The following TSPAN5 variants were observed in gnomAD, a reference collection of about 807,000 sequenced individuals.
TSPAN5 encodes the protein tetraspanin-5.
TSPAN5 carries 10 observed loss-of-function variants against 37.1 expected under a neutral mutation model. That is an observed-to-expected ratio of 0.27 (90% CI 0.17 to 0.46). The LOEUF (loss-of-function observed/expected upper bound fraction) is 0.46, where lower values mean the gene tolerates loss of function less well. TSPAN5 is among the 20% of genes least tolerant of loss of function. The probability of loss-of-function intolerance (pLI) is 1.00; values close to 1 mark genes in which losing one functional copy is unlikely to be tolerated. For synonymous variants in TSPAN5, 110 were observed against 118.9 expected (o/e 0.93, Z 0.48); for missense variants, 195 against 326.6 (o/e 0.60, Z 3.11).
chr4:98,633,605 A>G (rs1187058467), intron 1 of TSPAN5, among the ~76,000 whole-genome samples: 1 of 152,126 alleles, frequency 6.6e-6, no homozygotes, highest in Non-Finnish European at 1.5e-5. Context: ...AATGATCAGC[A>G]CTCACCCTTT....
intron 1 of TSPAN5, among the ~76,000 whole-genome samples, chr4:98,650,746 T>G (rs1757169641): frequency 1.3e-5 from 2 of 152,188 alleles, no homozygotes; most frequent in African/African-American, 4.8e-5. Flanking sequence ...CAATAGCTCC[T>G]TGGAGAAATG....
intron 1 of TSPAN5, among the ~76,000 whole-genome samples, chr4:98,523,267 G>A (rs563479675): frequency 1.6e-4 from 24 of 152,198 alleles, no homozygotes; most frequent in Admixed American, 2.0e-4. Flanking sequence ...GTGAATAAGC[G>A]TCCCTTATTT....
At chr4:98,554,194 T>C (rs1453585721) in intron 1 of TSPAN5, among the ~76,000 whole-genome samples, 2 of 152,210 alleles carry the variant, frequency 1.3e-5, no homozygotes, top group Non-Finnish European at 2.9e-5. Context: ...GAACAATAAA[T>C]ATACTTCAAC....
At chr4:98,553,688 A>G (rs1448735263) in intron 1 of TSPAN5, among the ~76,000 whole-genome samples, 1 of 152,168 alleles carries the variant, frequency 6.6e-6, no homozygotes, top group Non-Finnish European at 1.5e-5. Context: ...AGAAGGCCAC[A>G]ATGACCAACC....
intron 1 of TSPAN5, among the ~76,000 whole-genome samples, chr4:98,609,068 A>C (rs1416150900): frequency 1.3e-5 from 2 of 152,220 alleles, no homozygotes; most frequent in Non-Finnish European, 2.9e-5. Context: ...AGTCAGGATT[A>C]GACTAAGAAA....
intron 1 of TSPAN5, among the ~76,000 whole-genome samples, chr4:98,587,549 G>A (rs1386157990): frequency 7.2e-5 from 11 of 152,064 alleles, no homozygotes; most frequent in African/African-American, 1.2e-4. Flanking sequence ...CAGAAACTCC[G>A]CCCATCCATA....
intron 1 of TSPAN5, among the ~76,000 whole-genome samples, chr4:98,637,017 CT>C (rs1756870606): frequency 6.6e-6 from 1 of 152,142 alleles, no homozygotes; most frequent in African/African-American, 2.4e-5. Flanking sequence ...CTTAGGAACC[CT>C]CCCCCTTGGT....
At chr4:98,654,656 C>T (rs568790797) in intron 1 of TSPAN5, among the ~76,000 whole-genome samples, 15 of 152,308 alleles carry the variant, frequency 9.8e-5, no homozygotes, top group African/African-American at 2.6e-4. Flanking sequence ...GACTTTGTTA[C>T]TCAGAATGTC....
intron 1 of TSPAN5, among the ~76,000 whole-genome samples, chr4:98,569,853 C>T (rs887493316): frequency 2.0e-5 from 3 of 152,182 alleles, no homozygotes; most frequent in Non-Finnish European, 4.4e-5. Flanking sequence ...CTTGGTCACT[C>T]TATTCATTTC....
At chr4:98,578,313 A>G (rs189875097) in intron 1 of TSPAN5, among the ~76,000 whole-genome samples, 71 of 152,352 alleles carry the variant, frequency 4.7e-4, no homozygotes, top group Middle Eastern at 3.4e-3. Flanking sequence ...TTAAAGTGAA[A>G]GTAATCGTGG....
chr4:98,486,401 A>G (rs1377540887), intron 3 of TSPAN5: 4 of 207,140 alleles, frequency 1.9e-5, no homozygotes, highest in Admixed American at 1.2e-4. Context: ...TACTATGTGC[A>G]TTAAAACGGT....
intron 4 of TSPAN5, among the ~76,000 whole-genome samples, chr4:98,480,766 AT>A (rs1578934072): frequency 6.6e-6 from 1 of 152,304 alleles, no homozygotes; most frequent in East Asian, 1.9e-4. Context: ...GAAAGGGATT[AT>A]TAGGGAGCCT....
chr4:98,589,250 G>A (rs1755567859), intron 1 of TSPAN5, among the ~76,000 whole-genome samples: 1 of 152,146 alleles, frequency 6.6e-6, no homozygotes, highest in African/African-American at 2.4e-5. Context: ...AGCAAGCACT[G>A]GTCAGCAAAT....
chr4:98,559,746 C>G (rs1388460561), intron 1 of TSPAN5, among the ~76,000 whole-genome samples: 2 of 152,200 alleles, frequency 1.3e-5, no homozygotes, highest in Non-Finnish European at 2.9e-5. Context: ...GACAGAGTCT[C>G]AACATCCAGG....
chr4:98,486,021 C>T (rs945456210), intron 3 of TSPAN5, among the ~76,000 whole-genome samples: 2 of 152,132 alleles, frequency 1.3e-5, no homozygotes, highest in Admixed American at 1.3e-4. Flanking sequence ...CTGACAGGCA[C>T]ATTTGGCTAC....
intron 1 of TSPAN5, among the ~76,000 whole-genome samples, chr4:98,626,096 G>C (rs1756593680): frequency 6.6e-6 from 1 of 152,146 alleles, no homozygotes; most frequent in South Asian, 2.1e-4. Flanking sequence ...ACCTGGGGCT[G>C]GCTGTTGACA....
At chr4:98,614,330 C>T (rs747526318) in intron 1 of TSPAN5, among the ~76,000 whole-genome samples, 4 of 152,222 alleles carry the variant, frequency 2.6e-5, no homozygotes, top group Non-Finnish European at 4.4e-5. Flanking sequence ...ATCAGCCTGT[C>T]ACACCCACTG....
chr4:98,629,147 C>G (rs1756685068), intron 1 of TSPAN5, among the ~76,000 whole-genome samples: 2 of 152,132 alleles, frequency 1.3e-5, no homozygotes, highest in East Asian at 3.8e-4. Context: ...AAACAATAAG[C>G]ATAATTACTC....
intron 1 of TSPAN5, among the ~76,000 whole-genome samples, chr4:98,623,078 T>C (rs1756519062): frequency 1.3e-5 from 2 of 152,202 alleles, no homozygotes; most frequent in Non-Finnish European, 2.9e-5. Context: ...CCTTTCCTTT[T>C]TTAGGGGAGG....
Sources: gnomAD v4.1 joint callset for allele counts (sites outside exome capture counted in the v4.1 genomes callset) on GRCh38, gnomAD v4.1.1 for gene constraint, MANE v1.5 for transcripts, NCBI Gene and HGNC (gene_info 2026-07-23, HGNC 2026-07-21) for gene names.